Variants in TRRAP observed in about 807,000 individuals in gnomAD.
The protein encoded by TRRAP is transformation/transcription domain-associated protein.
TRRAP carries 41 observed loss-of-function variants against 438.8 expected under a neutral mutation model. That is an observed-to-expected ratio of 0.09 (90% CI 0.07 to 0.12). TRRAP has a LOEUF of 0.12. TRRAP is among the 10% of genes least tolerant of loss of function. The pLI is 1.00. For missense variants in TRRAP, 3,122 were observed against 5,055.1 expected (o/e 0.62, Z 11.60); for synonymous variants, 1,994 against 1,962.9 (o/e 1.02, Z -0.42).
At chr7:98,907,779 C>T (rs882394) in intron 13 of TRRAP, among the ~76,000 whole-genome samples, 22,884 of 151,878 alleles carry the variant, frequency 0.15, 5,335 homozygotes, top group African/African-American at 0.5. Context: ...TGCAGCACGC[C>T]GCCCCCTACA....
chr7:99,000,485 C>T (rs1793867917), intron 67 of TRRAP, among the ~76,000 whole-genome samples: 1 of 152,246 alleles, frequency 6.6e-6, no homozygotes, highest in South Asian at 2.1e-4. Flanking sequence ...AGCCCCTCCT[C>T]CACAGTGTTT....
At chr7:98,885,515 T>C (rs1311527344) in intron 3 of TRRAP, among the ~76,000 whole-genome samples, 1 of 152,120 alleles carries the variant, frequency 6.6e-6, no homozygotes, top group East Asian at 1.9e-4. Context: ...TACCCTACTA[T>C]CTGTAGCAAT....
chr7:98,935,449 G>A, intron 27 of TRRAP, 130 bp from the exon 28 acceptor site: 1 of 722,046 alleles, frequency 1.4e-6, no homozygotes, highest in Non-Finnish European at 2.1e-6. Context: ...AAATCTTTAG[G>A]ATTTGAGCTT....
chr7:99,010,059 T>C (rs1794362372), intron 70 of TRRAP, among the ~76,000 whole-genome samples: 1 of 152,048 alleles, frequency 6.6e-6, no homozygotes, highest in Non-Finnish European at 1.5e-5. Flanking sequence ...GGCTAATTTT[T>C]GTATTTTTAG....
At chr7:98,991,046 G>A (rs932395000) in intron 64 of TRRAP, among the ~76,000 whole-genome samples, 2 of 152,234 alleles carry the variant, frequency 1.3e-5, no homozygotes, top group Non-Finnish European at 2.9e-5. Context: ...TGTGGCTGTC[G>A]CCCTTTCGAC....
At chr7:98,978,144 A>G (rs1792753977) in intron 56 of TRRAP, 67 bp from the exon 57 acceptor site, 3 of 1,419,698 alleles carry the variant, frequency 2.1e-6, no homozygotes, top group Non-Finnish European at 2.0e-6. Flanking sequence ...CTAAGTTTTA[A>G]ATTTAAAAAG....
At chr7:98,938,044 T>C (rs1790632775) in intron 30 of TRRAP, among the ~76,000 whole-genome samples, 1 of 152,086 alleles carries the variant, frequency 6.6e-6, no homozygotes, top group African/African-American at 2.4e-5. Context: ...TGTGGCAGCG[T>C]GCATCTGTAA....
chr7:98,935,661 G>T lies in TRRAP; in HGVS notation c.4097G>T (p.Arg1366Leu). Residue 1366 changes from arginine (R) to leucine (L), a missense_variant, in exon 28 of 73, where the codon CGA becomes CTA. By Grantham distance (102) the Arg-to-Leu change is moderately radical (BLOSUM62 -2). Transcript: ENST00000456197. ...YKSLPSLVPL[R>L]IAALNALAAC... ...AGCCTTCCGTCACTCGTACCTTTACGAATTGCGGCATTAAGTAAGTTAATG... is the reference window on the plus strand; with the variant it reads ...AGCCTTCCGTCACTCGTACCTTTACTAATTGCGGCATTAAGTAAGTTAATG... 6.3e-7 allele frequency: 1 copy of T among 1,593,590 alleles called. No individual in the cohort carries two copies. The highest frequency in any genetic ancestry group is 1.1e-5 in the South Asian group (1 of 89,632).
Position 98,965,909 on chromosome 7 carries a change from G to A in TRRAP, c.7176+14G>A. 1 of 1,613,712 alleles carries A rather than the reference G, an allele frequency of 6.2e-7. No homozygotes were observed. Among genetic ancestry groups the A allele is most frequent in the Non-Finnish European group, 8.5e-7 (1 of 1,179,722 alleles). On this transcript the variant is annotated intron_variant, in intron 49 of 72. Coordinates refer to ENST00000456197, the MANE Select transcript of TRRAP (RefSeq NM_001375524.1). Reference sequence around the variant, plus strand: ...GCAGCCAATCAGGTGAGCTGGGACGGTGTGCCATGTGATCTCCCTTTCAAT... The same window carrying A: ...GCAGCCAATCAGGTGAGCTGGGACGATGTGCCATGTGATCTCCCTTTCAAT...
chr7:98,915,391 C>T (rs2116435240), intron 18 of TRRAP, among the ~76,000 whole-genome samples: 1 of 152,178 alleles, frequency 6.6e-6, no homozygotes, highest in South Asian at 2.1e-4. Flanking sequence ...GGGGTTTCAC[C>T]ATGTTGGCCA....
At chr7:98,957,683 T>A (rs1031815841) in intron 43 of TRRAP, among the ~76,000 whole-genome samples, 1 of 152,332 alleles carries the variant, frequency 6.6e-6, no homozygotes, top group African/African-American at 2.4e-5. Flanking sequence ...GTCTCTCTTC[T>A]TTTTTCTCAT....
chr7:98,896,059 AT>A (rs1357233062), intron 7 of TRRAP, among the ~76,000 whole-genome samples: 1 of 152,142 alleles, frequency 6.6e-6, no homozygotes, highest in Admixed American at 6.5e-5. Flanking sequence ...ATATGTTTTT[AT>A]TGTAGAAATT....
At chr7:98,999,748 C>G in intron 67 of TRRAP, 1 of 672,282 alleles carries the variant, frequency 1.5e-6, no homozygotes, top group Non-Finnish European at 2.7e-6. Context: ...TTCAAAGCTA[C>G]TATTCTGGGG....
intron 20 of TRRAP, among the ~76,000 whole-genome samples, chr7:98,918,227 CTTTTTT>C (rs71118647): frequency 2.4e-5 from 2 of 83,206 alleles, no homozygotes; most frequent in Admixed American, 1.5e-4. Context: ...GGGTTATATT[CTTTTTT>C]TTTTTTTTTT....
intron 47 of TRRAP, among the ~76,000 whole-genome samples, chr7:98,963,458 G>T (rs1031830797): frequency 1.3e-5 from 2 of 152,164 alleles, no homozygotes; most frequent in African/African-American, 4.8e-5. Flanking sequence ...GACCTCATGG[G>T]CCCTGCCTCC....
chr7:98,898,554 TTTG>T (rs1248299962), intron 8 of TRRAP, among the ~76,000 whole-genome samples: 3 of 152,230 alleles, frequency 2.0e-5, no homozygotes, highest in African/African-American at 7.2e-5. Context: ...CTTTCCTCCT[TTTG>T]TTGTTCTTAG....
At position 98,925,299 on chromosome 7, in the gene TRRAP, A is replaced by T. The variant is rs114389277; in HGVS notation, c.2975+36A>T. The T allele has an allele frequency of 3.5e-3, 5,695 of 1,604,558 alleles. 152 individuals carry two copies. The African/African-American group carries it at 0.062, about 17-fold the overall frequency. On this transcript the variant is annotated intron_variant, in intron 22 of 72. Transcript: ENST00000456197. ...CACTTCCTTCTGTGTGGTTGGGTGG[A>T]TCCTGTTTTAGGAATTGGGGCTGCA...
intron 51 of TRRAP, among the ~76,000 whole-genome samples, chr7:98,968,774 C>T (rs753078135): frequency 7.2e-5 from 11 of 152,230 alleles, no homozygotes; most frequent in Admixed American, 2.0e-4. Flanking sequence ...GTTTCCTGTT[C>T]GTGCCGGATG....
chr7:98,976,881 T>C lies in TRRAP; in HGVS notation c.8248-58T>C, dbSNP rs1397426306. ...AATGACAGCACAGTGAAACTATTTT[T>C]AGGGGGGAAAAAAAGTCTCTGTCTC... On this transcript the variant is annotated intron_variant, in intron 55 of 72. Transcript: ENST00000456197. This position sits in a 1 kb window ranked among gnomAD's most constrained non-coding sequence, Gnocchi z 4.6. The C allele has an allele frequency of 1.2e-6, 2 of 1,606,460 alleles. No individual in the cohort carries two copies. Among genetic ancestry groups the C allele is most frequent in the African/African-American group, 1.3e-5 (1 of 74,716 alleles).
Sources: allele counts gnomAD v4.1 joint callset (sites outside exome capture counted in the v4.1 genomes callset), GRCh38; gene constraint gnomAD v4.1.1; non-coding constraint Gnocchi (gnomAD v3.1); transcripts MANE v1.5; gene names NCBI Gene and HGNC (gene_info 2026-07-23, HGNC 2026-07-21).